The following HAT1 variants were observed in gnomAD, a reference collection of about 807,000 sequenced individuals.
HAT1 encodes histone acetyltransferase type B catalytic subunit.
In HAT1, 20 loss-of-function variants were observed where a neutral mutation model predicts 56.6. That is an observed-to-expected ratio of 0.35 (90% CI 0.25 to 0.51). The LOEUF is 0.51. Ranked by LOEUF, HAT1 falls within the 20% of genes least tolerant of loss-of-function variation. The probability of loss-of-function intolerance (pLI) is 0.95; values close to 1 mark genes in which losing one functional copy is unlikely to be tolerated. For missense variants in HAT1, 408 were observed against 504.3 expected (o/e 0.81, Z 1.83); for synonymous variants, 146 against 165.5 (o/e 0.88, Z 0.91).
intron 2 of HAT1, among the ~76,000 whole-genome samples, chr2:171,931,794 A>G (rs971307764): frequency 2.0e-5 from 3 of 152,246 alleles, no homozygotes; most frequent in Non-Finnish European, 4.4e-5. Flanking sequence ...TGGAACCTGC[A>G]TATGTGGAGA....
chr2:171,947,365 C>T (rs745640455), intron 3 of HAT1, among the ~76,000 whole-genome samples: 3 of 152,052 alleles, frequency 2.0e-5, no homozygotes, highest in Non-Finnish European at 2.9e-5. Flanking sequence ...AGCAGTCCTC[C>T]CACCTGAGCC....
intron 2 of HAT1, among the ~76,000 whole-genome samples, chr2:171,933,759 C>A (rs1007155539): frequency 3.1e-4 from 47 of 152,256 alleles, no homozygotes; most frequent in Admixed American, 3.3e-4. Context: ...CAAGGTCAGA[C>A]AATATAGTCT....
intron 4 of HAT1, chr2:171,964,742 C>T (rs905475397): frequency 1.3e-5 from 2 of 152,118 alleles, no homozygotes; most frequent in African/African-American, 4.8e-5. Flanking sequence ...TTTTTACTGT[C>T]ACAAATCCAG....
At chr2:171,970,496 C>CTTTTTTTTTTTTTTTTTTTTTTT (rs61462189) in intron 8 of HAT1, among the ~76,000 whole-genome samples, 1 of 74,988 alleles carries the variant, frequency 1.3e-5, no homozygotes, top group African/African-American at 6.8e-5. Context: ...AATGCAGTTT[C>CTTTTTTTTTTTTTTTTTTTTTTT]TTTTTTTTTT....
chr2:171,942,954 T>C (rs1402327686), intron 2 of HAT1, among the ~76,000 whole-genome samples: 1 of 150,672 alleles, frequency 6.6e-6, no homozygotes, highest in Admixed American at 6.6e-5. Flanking sequence ...AAATGTCATA[T>C]AATATACATA....
chr2:171,973,645 G>A (rs966917902), intron 8 of HAT1, among the ~76,000 whole-genome samples: 1 of 152,124 alleles, frequency 6.6e-6, no homozygotes, highest in Non-Finnish European at 1.5e-5. Context: ...GATCAGTGGT[G>A]GCATTAGATT....
At chr2:171,972,608 A>C (rs1473157650) in intron 8 of HAT1, among the ~76,000 whole-genome samples, 3 of 152,192 alleles carry the variant, frequency 2.0e-5, no homozygotes, top group Admixed American at 1.3e-4. Flanking sequence ...CAACCCCCAC[A>C]GGCAGCAAGC....
At chr2:171,949,192 A>G (rs138340953) in intron 3 of HAT1, among the ~76,000 whole-genome samples, 70 of 152,106 alleles carry the variant, frequency 4.6e-4, no homozygotes, top group African/African-American at 1.6e-3. Flanking sequence ...CTTTATTTAT[A>G]TCAAACTCAG....
rs533907869 is a variant in HAT1 at position 171,959,263 on chromosome 2, A to C, written c.310-6075A>C. On this transcript the variant is annotated intron_variant, in intron 4 of 10. Transcript: ENST00000264108. The stretch of plus-strand genomic sequence containing the variant: ...GTAGATTGCTAAATTCTCCAGACCC[A>C]AGCCCAGCTAGATATTCTTATTAAA... Among the ~76,000 whole-genome samples, 65 of 152,330 alleles carry C rather than the reference A, an allele frequency of 4.3e-4. 1 individual carries two copies. The highest frequency in any genetic ancestry group is 1.2e-3 in the East Asian group (6 of 5,190).
rs1460656283 is a variant in HAT1, at chr2:171,965,353, G to A, written c.325G>A (p.Gly109Ser). Residue 109 changes from glycine to serine, a missense_variant, in exon 5 of 11, where the codon GGC becomes AGC. Transcript: ENST00000264108. ...FDCVEADDVE[G>S]KIRQIIPPGF... ...TATTCTTTAGGCAGATGATGTTGAG[G>A]GCAAAATTAGACAAATCATTCCACC... is the stretch of plus-strand genomic sequence containing the variant. 1.2e-6 allele frequency: 2 copies of A among 1,601,922 alleles called. No homozygotes were observed. Among genetic ancestry groups the A allele is most frequent in the South Asian group, 2.2e-5 (2 of 89,620 alleles).
chr2:171,950,110 C>T (rs1192667849), intron 3 of HAT1, among the ~76,000 whole-genome samples: 1 of 152,040 alleles, frequency 6.6e-6, no homozygotes, highest in Admixed American at 6.6e-5. Context: ...TTTTTTCCCC[C>T]CATGCATTAT....
intron 4 of HAT1, among the ~76,000 whole-genome samples, chr2:171,960,861 G>T (rs1574056937): frequency 2.0e-5 from 3 of 151,830 alleles, no homozygotes; most frequent in African/African-American, 7.2e-5. Context: ...AAAAAAAAAT[G>T]CTGAACGTGG....
chr2:171,969,968 A>G (rs983683077), intron 8 of HAT1, among the ~76,000 whole-genome samples: 2 of 152,140 alleles, frequency 1.3e-5, no homozygotes, highest in Admixed American at 6.5e-5. Flanking sequence ...CCTGGGCAAC[A>G]TAGGGAGATT....
At chr2:171,965,668 A>C in intron 5 of HAT1, 119 bp from the exon 6 acceptor site, 1 of 1,054,862 alleles carries the variant, frequency 9.5e-7, no homozygotes, top group Non-Finnish European at 1.4e-6. Context: ...GTCTGTATCT[A>C]TGTTCACATC....
intron 2 of HAT1, among the ~76,000 whole-genome samples, chr2:171,925,971 G>A (rs10179799): frequency 6.6e-6 from 1 of 151,980 alleles, no homozygotes; most frequent in Non-Finnish European, 1.5e-5. Context: ...TGAGGATGTG[G>A]AAAAAAACAC....
intron 8 of HAT1, among the ~76,000 whole-genome samples, chr2:171,971,960 G>A (rs914032725): frequency 1.3e-5 from 2 of 152,106 alleles, no homozygotes; most frequent in Admixed American, 6.5e-5. Flanking sequence ...GGAGTACAGG[G>A]TCCCAAAGGG....
intron 2 of HAT1, among the ~76,000 whole-genome samples, chr2:171,939,628 CAG>C (rs1686968119): frequency 6.6e-6 from 1 of 152,070 alleles, no homozygotes. Context: ...CATTTCCTCA[CAG>C]AGCAATGTGA....
intron 4 of HAT1, among the ~76,000 whole-genome samples, chr2:171,963,733 T>TAGTTTATC (rs1212911270): frequency 6.6e-6 from 1 of 152,204 alleles, no homozygotes; most frequent in Non-Finnish European, 1.5e-5. Context: ...TATGACAGTT[T>TAGTTTATC]CCTTGATAGC....
chr2:171,975,513 T>G (rs1371967226), intron 8 of HAT1, among the ~76,000 whole-genome samples: 6 of 152,212 alleles, frequency 3.9e-5, no homozygotes, highest in African/African-American at 1.4e-4. Context: ...CTTGTCTTTG[T>G]GGGAAGATTT....
Sources: gnomAD v4.1 joint callset for allele counts (sites outside exome capture counted in the v4.1 genomes callset) on GRCh38, gnomAD v4.1.1 for gene constraint, MANE v1.5 for transcripts, NCBI Gene and HGNC (gene_info 2026-07-23, HGNC 2026-07-21) for gene names.